TULP4: variants seen among roughly 807,000 people sequenced by gnomAD.
TULP4 encodes tubby-related protein 4.
Under a neutral mutation model 129.0 loss-of-function variants are expected in TULP4, and 16 were observed. The observed-to-expected ratio is 0.12, with a 90% confidence interval of 0.08 to 0.19. The LOEUF (loss-of-function observed/expected upper bound fraction) is 0.19. Among genes scored for constraint, TULP4 ranks in the 10% least tolerant of loss-of-function variants. The pLI is 1.00. For synonymous variants in TULP4, 998 were observed against 854.0 expected (o/e 1.17, Z -2.94); for missense variants, 1,842 against 2,059.1 (o/e 0.89, Z 2.04).
chr6:158,279,595 C>T (rs181896529), upstream of TULP4, among the ~76,000 whole-genome samples: 1 of 152,246 alleles, frequency 6.6e-6, no homozygotes, highest in East Asian at 1.9e-4. Context: ...TTTCAAATTA[C>T]TTCATCTGTG....
chr6:158,376,153 G>A (rs1236465480), intron 1 of TULP4, among the ~76,000 whole-genome samples: 2 of 152,184 alleles, frequency 1.3e-5, no homozygotes, highest in Non-Finnish European at 2.9e-5. Context: ...TCATGTTGCA[G>A]TTGTCTATTG....
intron 1 of TULP4, among the ~76,000 whole-genome samples, chr6:158,320,518 G>A (rs140881254): frequency 2.8e-4 from 42 of 149,400 alleles, no homozygotes; most frequent in Middle Eastern, 6.8e-3. Flanking sequence ...TGCAACCTCC[G>A]CCCCCCAGGT....
intron 1 of TULP4, among the ~76,000 whole-genome samples, chr6:158,362,483 G>A (rs191563775): frequency 3.9e-5 from 6 of 152,066 alleles, no homozygotes; most frequent in East Asian, 3.9e-4. Context: ...TCAAGTAGCC[G>A]GCACTACAGG....
At position 158,443,950 on chromosome 6, in the gene TULP4, T is replaced by C. The variant is rs570771181; in HGVS notation, c.544-5046T>C. ...TAAAAAATTTTTTGGCCGGGTGCGGTGGCTCACGCCTGTAATCCCAGCACT... is the reference window on the plus strand; with the variant it reads ...TAAAAAATTTTTTGGCCGGGTGCGGCGGCTCACGCCTGTAATCCCAGCACT... On this transcript the variant is annotated intron_variant, in intron 3 of 13. Coordinates refer to ENST00000367097, the MANE Select transcript of TULP4 (RefSeq NM_020245.5). 4.6e-5 allele frequency among the ~76,000 whole-genome samples: 7 copies of C among 152,184 alleles called. No individual in the cohort carries two copies. In the South Asian group the frequency reaches 6.2e-4, roughly 14 times the overall value.
chr6:158,490,101 T>A (rs1780166408), intron 9 of TULP4, among the ~76,000 whole-genome samples: 1 of 152,118 alleles, frequency 6.6e-6, no homozygotes, highest in African/African-American at 2.4e-5. Context: ...CCAGATAAGA[T>A]GCCTGTAATG....
chr6:158,451,712 T>G (rs2115143648), intron 4 of TULP4, among the ~76,000 whole-genome samples: 1 of 152,362 alleles, frequency 6.6e-6, no homozygotes, highest in Admixed American at 6.5e-5. Context: ...GATTTGGAAC[T>G]TGAAAAGCAA....
At chr6:158,330,581 A>G (rs113436155) in intron 1 of TULP4, among the ~76,000 whole-genome samples, 1,964 of 152,268 alleles carry the variant, frequency 0.013, 45 homozygotes, top group African/African-American at 0.045. Flanking sequence ...AAATACTTCA[A>G]TGTGTATTTC....
intron 1 of TULP4, among the ~76,000 whole-genome samples, chr6:158,347,171 A>T (rs912901663): frequency 1.7e-4 from 26 of 152,244 alleles, no homozygotes; most frequent in Middle Eastern, 3.2e-3. Flanking sequence ...CTTCTGAATT[A>T]TTAATGAAAG....
chr6:158,440,767 T>C (rs555973672), intron 3 of TULP4, among the ~76,000 whole-genome samples: 36 of 152,364 alleles, frequency 2.4e-4, no homozygotes, highest in African/African-American at 8.7e-4. Context: ...TTTTTAGTTA[T>C]TTCTTTTTGC....
chr6:158,498,568 G>C, intron 11 of TULP4, 101 bp from the exon 12 acceptor site: 1 of 1,437,128 alleles, frequency 7.0e-7, no homozygotes. Context: ...TCTTCTGATG[G>C]CAGGGAAACT....
chr6:158,437,897 A>C (rs1778787778), intron 3 of TULP4: 1 of 152,192 alleles, frequency 6.6e-6, no homozygotes, highest in African/African-American at 2.4e-5. Context: ...TTGCTATGTC[A>C]TTCAGGTGTC....
At chr6:158,405,106 A>G (rs1777948312) in intron 1 of TULP4, among the ~76,000 whole-genome samples, 1 of 152,240 alleles carries the variant, frequency 6.6e-6, no homozygotes, top group Non-Finnish European at 1.5e-5. Context: ...TAAGCTATGT[A>G]AAATAATGTA....
intron 1 of TULP4, among the ~76,000 whole-genome samples, chr6:158,262,859 A>G (rs1778375178): frequency 1.0e-5 from 1 of 95,930 alleles, no homozygotes; most frequent in Non-Finnish European, 2.5e-5. Flanking sequence ...TGCTTTTGGA[A>G]TGGGTGTTGG....
At chr6:158,444,082 T>C (rs531571220) in intron 3 of TULP4, among the ~76,000 whole-genome samples, 11 of 151,772 alleles carry the variant, frequency 7.2e-5, no homozygotes, top group South Asian at 4.2e-4. Flanking sequence ...TAGCCTGGCG[T>C]GGTGGCGCAA....
At chr6:158,249,683 T>C (rs142334917) in intron 1 of TULP4, among the ~76,000 whole-genome samples, 44 of 152,374 alleles carry the variant, frequency 2.9e-4, no homozygotes, top group African/African-American at 1.0e-3. Context: ...AGCAAAGTCC[T>C]GATAGGAACT....
Position 158,313,836 on chromosome 6 carries a change from A to C in TULP4, c.-181A>C. On this transcript the variant is annotated 5_prime_UTR_variant, in exon 1 of 14. It removes an upstream start codon present in the reference 5' UTR. Coordinates refer to ENST00000367097, the MANE Select transcript of TULP4 (RefSeq NM_020245.5). ...TCTTTTATAGAGGAATTTTTTCACT[A>C]TGCATTCGGTGGATCTTTATAAAAT... 3.1e-6 allele frequency: 2 copies of C among 640,058 alleles called. No homozygotes were observed. Among genetic ancestry groups the C allele is most frequent in the Non-Finnish European group, 5.2e-6 (2 of 387,982 alleles). The allele number at this position is 640,058 out of a possible 1,614,324, so 39.6% of individuals were successfully genotyped here. A position where few individuals can be genotyped will look rare whatever the true frequency, so the allele number is the denominator to read the frequency against.
At chr6:158,409,161 T>C (rs755164806) in intron 1 of TULP4, among the ~76,000 whole-genome samples, 2 of 152,234 alleles carry the variant, frequency 1.3e-5, no homozygotes, top group Non-Finnish European at 1.5e-5. Context: ...TAAGAAGTGA[T>C]GTGACTGACT....
chr6:158,485,396 C>T (rs1456219637), intron 8 of TULP4, among the ~76,000 whole-genome samples: 2 of 152,130 alleles, frequency 1.3e-5, no homozygotes, highest in Admixed American at 6.5e-5. Context: ...TGGCTGGACT[C>T]TCATTTGATA....
chr6:158,324,471 T>C (rs1311411461), intron 1 of TULP4, among the ~76,000 whole-genome samples: 1 of 152,190 alleles, frequency 6.6e-6, no homozygotes, highest in Non-Finnish European at 1.5e-5. Flanking sequence ...TGGACCTTAA[T>C]GTTCATTTCG....
Sources: gnomAD v4.1 joint callset for allele counts (sites outside exome capture counted in the v4.1 genomes callset) on GRCh38, gnomAD v4.1.1 for gene constraint, MANE v1.5 for transcripts, NCBI Gene and HGNC (gene_info 2026-07-23, HGNC 2026-07-21) for gene names.